The following ARPP21 variants were observed in gnomAD, a reference collection of about 807,000 sequenced individuals.
ARPP21 encodes the protein cAMP-regulated phosphoprotein 21.
In ARPP21, 69 loss-of-function variants were observed where a neutral mutation model predicts 113.2. That is an observed-to-expected ratio of 0.61 (90% CI 0.50 to 0.74). The LOEUF (loss-of-function observed/expected upper bound fraction) is 0.74. ARPP21 is among the 30% of genes least tolerant of loss of function. The probability of loss-of-function intolerance (pLI) is 0.00; values close to 1 mark genes in which losing one functional copy is unlikely to be tolerated. For synonymous variants in ARPP21, 368 were observed against 375.5 expected (o/e 0.98, Z 0.23); for missense variants, 1,070 against 1,037.4 (o/e 1.03, Z -0.43).
chr3:35,660,550 T>G (rs1468051584), intron 1 of ARPP21, among the ~76,000 whole-genome samples: 1 of 152,170 alleles, frequency 6.6e-6, no homozygotes, highest in Non-Finnish European at 1.5e-5. Flanking sequence ...GAGAAAGGTC[T>G]GGAAAAGGAG....
At chr3:35,682,797 C>G (rs767742083) in intron 3 of ARPP21, 51 bp from the exon 4 acceptor site, 50 of 1,523,372 alleles carry the variant, frequency 3.3e-5, no homozygotes, top group Non-Finnish European at 4.5e-5. Flanking sequence ...ATTTACTGTT[C>G]GTTTTTGTTT....
upstream of ARPP21, among the ~76,000 whole-genome samples, chr3:35,639,209 C>T (rs1697428051): frequency 1.3e-5 from 2 of 152,058 alleles, no homozygotes; most frequent in Non-Finnish European, 1.5e-5. This position sits in a 1 kb window ranked among gnomAD's most constrained non-coding sequence, Gnocchi z 5.0. Flanking sequence ...TGGCGGAGAA[C>T]GGCCCAGGGA....
chr3:35,684,178 A>G, intron 5 of ARPP21: 1 of 1,373,224 alleles, frequency 7.3e-7, no homozygotes, highest in Non-Finnish European at 9.5e-7. Context: ...TCCTTGTTGG[A>G]GATGTCTTAC....
chr3:35,767,647 G>T (rs906877143), intron 19 of ARPP21, among the ~76,000 whole-genome samples: 1 of 152,118 alleles, frequency 6.6e-6, no homozygotes, highest in African/African-American at 2.4e-5. Flanking sequence ...CTTTAATTCT[G>T]TCTGCATTTA....
intron 19 of ARPP21, among the ~76,000 whole-genome samples, chr3:35,778,198 A>G (rs2096429312): frequency 6.6e-6 from 1 of 152,186 alleles, no homozygotes; most frequent in Non-Finnish European, 1.5e-5. Context: ...CCTGACATGG[A>G]AACATATTTC....
chr3:35,650,306 A>AT (rs1291221304), intron 1 of ARPP21: 1 of 151,988 alleles, frequency 6.6e-6, no homozygotes, highest in Non-Finnish European at 1.5e-5. Context: ...ATTCATTCTT[A>AT]TTTTTCAAGT....
chr3:35,695,583 A>C (rs2149731423), intron 9 of ARPP21, among the ~76,000 whole-genome samples: 1 of 151,722 alleles, frequency 6.6e-6, no homozygotes, highest in East Asian at 2.0e-4. Context: ...AAGGAACAGT[A>C]TACCAAACAT....
Position 35,689,222 on chromosome 3 carries a change from G to T in ARPP21, c.407-85G>T, listed in dbSNP as rs1444022217. On this transcript the variant is annotated intron_variant, in intron 6 of 20. Transcript: ENST00000684406. ...TTCACCTAAAATTTATCTGAGCAGGGGGAAACAGGATAGGTTGGGGAAACC... is the reference window on the plus strand; with the variant it reads ...TTCACCTAAAATTTATCTGAGCAGGTGGAAACAGGATAGGTTGGGGAAACC... 14 of 749,468 alleles carry T rather than the reference G, an allele frequency of 1.9e-5. No homozygotes were observed. In the Admixed American group the frequency reaches 2.2e-4, roughly 12 times the overall value. 46.4% of individuals were successfully genotyped at this position (749,468 alleles called of 1,614,324 possible).
intron 9 of ARPP21, among the ~76,000 whole-genome samples, chr3:35,695,182 G>A (rs1575927964): frequency 6.6e-6 from 1 of 151,316 alleles, no homozygotes; most frequent in Admixed American, 6.6e-5. Flanking sequence ...CATCAAGTGC[G>A]GTGAGAAGCA....
chr3:35,719,027 AGTT>A (rs2092769060), intron 13 of ARPP21, among the ~76,000 whole-genome samples: 6 of 128,994 alleles, frequency 4.7e-5, no homozygotes, highest in Non-Finnish European at 1.0e-4. Flanking sequence ...ATGAAATTCT[AGTT>A]ACTTACAAGA....
At chr3:35,700,157 G>A (rs1326138480) in intron 9 of ARPP21, among the ~76,000 whole-genome samples, 2 of 151,764 alleles carry the variant, frequency 1.3e-5, no homozygotes, top group African/African-American at 4.8e-5. Context: ...TCCCAAGCAA[G>A]TTAAGTATTT....
intron 19 of ARPP21, among the ~76,000 whole-genome samples, chr3:35,775,821 G>T (rs1054193993): frequency 1.3e-5 from 2 of 151,998 alleles, no homozygotes; most frequent in African/African-American, 4.8e-5. Context: ...TCTATAATCT[G>T]TAATATGTTT....
intron 1 of ARPP21, among the ~76,000 whole-genome samples, chr3:35,667,885 A>AGAAGAAGAAGAAGAAGAGGAAGAG (rs777434867): frequency 5.1e-5 from 5 of 97,698 alleles, no homozygotes; most frequent in East Asian, 2.7e-4. Flanking sequence ...AAGAAGAAGA[A>AGAAGAAGAAGAAGAAGAGGAAGAG]GAAGAGGAAG....
At chr3:35,786,262 G>A (rs901491049) in intron 19 of ARPP21, among the ~76,000 whole-genome samples, 3 of 152,108 alleles carry the variant, frequency 2.0e-5, no homozygotes, top group Non-Finnish European at 2.9e-5. Flanking sequence ...GGTGGTTCAC[G>A]CCTGTAATCC....
At chr3:35,772,396 C>T (rs1273723924) in intron 19 of ARPP21, among the ~76,000 whole-genome samples, 1 of 152,126 alleles carries the variant, frequency 6.6e-6, no homozygotes, top group South Asian at 2.1e-4. Flanking sequence ...CCTAGCTTTA[C>T]AGTCAGATTA....
chr3:35,645,011 C>T (rs1044166133), intron 1 of ARPP21, among the ~76,000 whole-genome samples: 3 of 151,754 alleles, frequency 2.0e-5, no homozygotes, highest in African/African-American at 7.3e-5. Context: ...AATGTTGAAG[C>T]ATTAGAAGCA....
chr3:35,746,224 G>T (rs1224915961), intron 19 of ARPP21, among the ~76,000 whole-genome samples: 2 of 152,190 alleles, frequency 1.3e-5, no homozygotes, highest in Non-Finnish European at 2.9e-5. Flanking sequence ...TGGGAAAGCA[G>T]ATGGTGTTCC....
At chr3:35,649,125 A>C (rs1340494268) in intron 1 of ARPP21, among the ~76,000 whole-genome samples, 1 of 152,188 alleles carries the variant, frequency 6.6e-6, no homozygotes, top group African/African-American at 2.4e-5. Context: ...ATATTTAATC[A>C]AAGTTTGTTG....
At chr3:35,698,858 TATG>T (rs1222959786) in intron 9 of ARPP21, among the ~76,000 whole-genome samples, 3 of 151,564 alleles carry the variant, frequency 2.0e-5, no homozygotes, top group Non-Finnish European at 4.4e-5. Flanking sequence ...ATGGTAAAAA[TATG>T]ATGCCAAAAA....
Sources: allele counts gnomAD v4.1 joint callset (sites outside exome capture counted in the v4.1 genomes callset), GRCh38; gene constraint gnomAD v4.1.1; non-coding constraint Gnocchi (gnomAD v3.1); transcripts MANE v1.5; gene names NCBI Gene and HGNC (gene_info 2026-07-23, HGNC 2026-07-21).